Variants in KCNIP1 observed in about 807,000 individuals in gnomAD.
KCNIP1 encodes potassium voltage-gated channel interacting protein 1.
Under a neutral mutation model 33.0 loss-of-function variants are expected in KCNIP1, and 18 were observed. That is an observed-to-expected ratio of 0.55 (90% confidence interval 0.38 to 0.81). The LOEUF (loss-of-function observed/expected upper bound fraction) is 0.81. Among genes scored for constraint, KCNIP1 ranks in the 30% least tolerant of loss-of-function variants. The probability of loss-of-function intolerance (pLI) is 0.00; values close to 1 mark genes in which losing one functional copy is unlikely to be tolerated. For missense variants in KCNIP1, 238 were observed against 271.6 expected, an observed-to-expected ratio of 0.88 and a Z score of 0.87; for synonymous variants, 93 against 98.3, an observed-to-expected ratio of 0.95 and a Z score of 0.32.
chr5:170,556,923 C>G (rs1207982259), intron 1 of KCNIP1, among the ~76,000 whole-genome samples: 4 of 152,234 alleles, frequency 2.6e-5, no homozygotes, highest in African/African-American at 9.6e-5. Context: ...TTAAAACTTT[C>G]CTGGGTAGGA....
intron 1 of KCNIP1, among the ~76,000 whole-genome samples, chr5:170,574,031 C>A (rs773424844): frequency 1.3e-5 from 2 of 152,190 alleles, no homozygotes; most frequent in Admixed American, 1.3e-4. Flanking sequence ...GTGGGACCCC[C>A]GATACCCAGA....
At chr5:170,406,435 C>T (rs1011347654) in intron 1 of KCNIP1, among the ~76,000 whole-genome samples, 1 of 152,182 alleles carries the variant, frequency 6.6e-6, no homozygotes, top group South Asian at 2.1e-4. Flanking sequence ...TGCTCTGTGC[C>T]TTGGTTTTTC....
At chr5:170,607,757 C>G (rs1222126257) in intron 1 of KCNIP1, among the ~76,000 whole-genome samples, 2 of 152,180 alleles carry the variant, frequency 1.3e-5, no homozygotes, top group East Asian at 3.8e-4. Context: ...TCCAAGGTCA[C>G]AGAGAGGTTT....
At chr5:170,507,388 C>G (rs1245464112) in intron 1 of KCNIP1, among the ~76,000 whole-genome samples, 1 of 152,232 alleles carries the variant, frequency 6.6e-6, no homozygotes, top group East Asian at 1.9e-4. Flanking sequence ...GTCTCTGCTA[C>G]ATAAGTGGTC....
chr5:170,630,022 C>T (rs1295001041), intron 1 of KCNIP1, among the ~76,000 whole-genome samples: 1 of 152,206 alleles, frequency 6.6e-6, no homozygotes, highest in Non-Finnish European at 1.5e-5. Flanking sequence ...CTGCACCAGG[C>T]TGGGCCTGGG....
intron 1 of KCNIP1, among the ~76,000 whole-genome samples, chr5:170,426,997 C>T (rs1416067344): frequency 1.3e-5 from 2 of 152,246 alleles, no homozygotes; most frequent in African/African-American, 2.4e-5. Context: ...GGGAAGAGGC[C>T]TCCTTTCAGG....
intron 1 of KCNIP1, among the ~76,000 whole-genome samples, chr5:170,622,542 A>G (rs1229513285): frequency 6.6e-6 from 1 of 151,222 alleles, no homozygotes; most frequent in East Asian, 2.0e-4. Flanking sequence ...GAATTGCTTG[A>G]ACCCAGGAGG....
chr5:170,714,376 AC>A (rs1164878456), intron 1 of KCNIP1, among the ~76,000 whole-genome samples: 2 of 152,222 alleles, frequency 1.3e-5, no homozygotes, highest in Non-Finnish European at 2.9e-5. Context: ...CAGATATGTC[AC>A]CCATTGCTCA....
chr5:170,464,827 C>T (rs903389754), intron 1 of KCNIP1, among the ~76,000 whole-genome samples: 3 of 152,214 alleles, frequency 2.0e-5, no homozygotes, highest in African/African-American at 4.8e-5. Context: ...GCTTAGGGAC[C>T]TCATCCAGCG....
intron 1 of KCNIP1, among the ~76,000 whole-genome samples, chr5:170,490,645 CTG>C (rs1311075308): frequency 4.6e-5 from 7 of 152,172 alleles, no homozygotes; most frequent in African/African-American, 1.2e-4. Flanking sequence ...TGGGAATTTT[CTG>C]TGAGTCTATA....
chr5:170,714,697 A>G (rs1195492931), intron 1 of KCNIP1, among the ~76,000 whole-genome samples: 1 of 152,228 alleles, frequency 6.6e-6, no homozygotes, highest in Non-Finnish European at 1.5e-5. Flanking sequence ...TTTAAAAGAA[A>G]AGAAATGAAA....
chr5:170,713,723 C>T (rs1330107781), intron 1 of KCNIP1, among the ~76,000 whole-genome samples: 4 of 152,082 alleles, frequency 2.6e-5, no homozygotes, highest in Non-Finnish European at 5.9e-5. Flanking sequence ...ATTTTGTAAC[C>T]TCAAAGCTAG....
chr5:170,464,044 T>G (rs1194289425), intron 1 of KCNIP1, among the ~76,000 whole-genome samples: 2 of 151,906 alleles, frequency 1.3e-5, no homozygotes, highest in Non-Finnish European at 2.9e-5. Flanking sequence ...CAATCCCACT[T>G]ACAATAGCAT....
chr5:170,628,412 G>A (rs1401416043), intron 1 of KCNIP1, among the ~76,000 whole-genome samples: 1 of 152,040 alleles, frequency 6.6e-6, no homozygotes, highest in Non-Finnish European at 1.5e-5. Flanking sequence ...TCGGAGTGGT[G>A]GAAATTCTCA....
intron 1 of KCNIP1, among the ~76,000 whole-genome samples, chr5:170,712,469 A>T (rs1438582603): frequency 6.6e-6 from 1 of 152,222 alleles, no homozygotes; most frequent in African/African-American, 2.4e-5. Context: ...GAGAGGGGGA[A>T]TGGGGGCCTC....
intron 1 of KCNIP1, among the ~76,000 whole-genome samples, chr5:170,483,572 G>T (rs1339131374): frequency 6.6e-6 from 1 of 152,154 alleles, no homozygotes; most frequent in Non-Finnish European, 1.5e-5. Context: ...GGTTCCAGAT[G>T]GTTGGGACAA....
At chr5:170,470,689 A>G (rs1391702698) in intron 1 of KCNIP1, among the ~76,000 whole-genome samples, 1 of 152,270 alleles carries the variant, frequency 6.6e-6, no homozygotes, top group Non-Finnish European at 1.5e-5. Flanking sequence ...AAGGCAAAGC[A>G]TCTTGAAGCG....
At chr5:170,384,481 C>T (rs1242354094) in intron 1 of KCNIP1, among the ~76,000 whole-genome samples, 8 of 152,200 alleles carry the variant, frequency 5.3e-5, no homozygotes, top group Non-Finnish European at 7.3e-5. Context: ...AGCCTGGAAT[C>T]GCTTCAGCGT....
intron 1 of KCNIP1, among the ~76,000 whole-genome samples, chr5:170,623,259 G>C (rs1456587657): frequency 6.6e-6 from 1 of 151,676 alleles, no homozygotes; most frequent in Non-Finnish European, 1.5e-5. Context: ...TGTTGCCCAG[G>C]CTGGAGTGCA....
Sources: gnomAD v4.1 joint callset for allele counts (sites outside exome capture counted in the v4.1 genomes callset) on GRCh38, gnomAD v4.1.1 for gene constraint, MANE v1.5 for transcripts, NCBI Gene and HGNC (gene_info 2026-07-23, HGNC 2026-07-21) for gene names.